SLCO5A1: variants seen among roughly 807,000 people sequenced by gnomAD.
SLCO5A1 encodes organic anion transporter polypeptide-related protein 4.
SLCO5A1 carries 39 observed loss-of-function variants against 65.1 expected under a neutral mutation model. The ratio of observed to expected loss-of-function variants is 0.60; its 90% confidence interval spans 0.46 to 0.78. The LOEUF is 0.78. Ranked by LOEUF, SLCO5A1 falls within the 30% of genes least tolerant of loss-of-function variation. SLCO5A1 has a pLI of 0.00. For missense variants in SLCO5A1, 1,029 were observed against 1,069.4 expected, an observed-to-expected ratio of 0.96 and a Z score of 0.53; for synonymous variants, 438 against 415.7, an observed-to-expected ratio of 1.05 and a Z score of -0.65.
Position 69,710,304 on chromosome 8 carries a change from C to A in SLCO5A1, c.1424-5075G>T, listed in dbSNP as rs1236432616. Among the ~76,000 whole-genome samples, 5 of 152,234 alleles carry A rather than the reference C, an allele frequency of 3.3e-5. No individual in the cohort carries two copies. The East Asian group carries it at 9.7e-4, about 29-fold the overall frequency. ...AAAGTGCTGGGATTACAGGAGTGAG[C>A]CACCGCGCCCGACCGGCAATGGCCC... On this transcript the variant is annotated intron_variant, in intron 5 of 9. Coordinates refer to ENST00000260126, the MANE Select transcript of SLCO5A1 (RefSeq NM_030958.3).
intron 2 of SLCO5A1, among the ~76,000 whole-genome samples, chr8:69,803,336 G>T (rs1284790474): frequency 6.6e-6 from 1 of 152,156 alleles, no homozygotes; most frequent in Non-Finnish European, 1.5e-5. Flanking sequence ...AGAATCACTT[G>T]AACCTGGGAG....
chr8:69,707,945 T>C (rs2130812986), intron 5 of SLCO5A1, among the ~76,000 whole-genome samples: 1 of 152,314 alleles, frequency 6.6e-6, no homozygotes, highest in East Asian at 1.9e-4. Flanking sequence ...CAGTTGTGTC[T>C]GTGGGCTGCA....
At chr8:69,754,372 A>G (rs1013694679) in intron 4 of SLCO5A1, among the ~76,000 whole-genome samples, 9 of 152,218 alleles carry the variant, frequency 5.9e-5, no homozygotes, top group African/African-American at 1.9e-4. Flanking sequence ...GGTCCAATCT[A>G]ACTATTATTG....
At position 69,783,694 on chromosome 8, in the gene SLCO5A1, A is replaced by T. The variant is rs1818900561; in HGVS notation, c.908-21819T>A. Reference sequence around the variant, plus strand: ...CACCCCATTCCCTAATCATTAATCAATCAGTAGTTATTTGGTGAAGTTATA... The same window carrying T: ...CACCCCATTCCCTAATCATTAATCATTCAGTAGTTATTTGGTGAAGTTATA... On this transcript the variant is annotated intron_variant, in intron 2 of 9. Transcript: ENST00000260126. Among the ~76,000 whole-genome samples, 5 of 152,150 alleles carry T rather than the reference A, an allele frequency of 3.3e-5. No homozygotes were observed. The South Asian group carries it at 1.0e-3, about 32-fold the overall frequency.
intron 4 of SLCO5A1, among the ~76,000 whole-genome samples, chr8:69,740,022 T>C (rs1284973815): frequency 1.3e-5 from 2 of 152,234 alleles, no homozygotes; most frequent in African/African-American, 2.4e-5. Flanking sequence ...ACTGGTTATA[T>C]TGAACGGGTT....
chr8:69,827,961 A>T (rs1405946908), intron 2 of SLCO5A1, among the ~76,000 whole-genome samples: 1 of 152,158 alleles, frequency 6.6e-6, no homozygotes. Flanking sequence ...CTGCGGTTAC[A>T]GTTGGTTCTC....
rs185510712 is a variant in SLCO5A1 at position 69,691,380 on chromosome 8, A to C, written c.1623-9037T>G. On this transcript the variant is annotated intron_variant, in intron 6 of 9. Transcript: ENST00000260126. ...TAACATGAAATCTACCTTCTTAACA[A>C]AGTTTTAAGTGTACAATACAGTATT... 2.0e-5 allele frequency among the ~76,000 whole-genome samples: 3 copies of C among 152,298 alleles called. No individual in the cohort carries two copies. In the East Asian group the frequency reaches 5.8e-4, roughly 29 times the overall value.
chr8:69,798,972 T>C (rs903537898), intron 2 of SLCO5A1, among the ~76,000 whole-genome samples: 1 of 152,232 alleles, frequency 6.6e-6, no homozygotes, highest in Non-Finnish European at 1.5e-5. Flanking sequence ...TGTCTATATA[T>C]TGCAGGGCTC....
chr8:69,755,679 T>G (rs771493438), intron 3 of SLCO5A1, 38 bp from the exon 4 acceptor site: 1 of 1,550,250 alleles, frequency 6.5e-7, no homozygotes, highest in Admixed American at 2.0e-5. Flanking sequence ...TTTACGTCTT[T>G]TCTTTTGTGA....
At chr8:69,827,261 A>C (rs1820963944) in intron 2 of SLCO5A1, among the ~76,000 whole-genome samples, 1 of 152,078 alleles carries the variant, frequency 6.6e-6, no homozygotes, top group Non-Finnish European at 1.5e-5. Context: ...ACTAACCTGC[A>C]CATTGTGCAC....
chr8:69,831,691 G>A lies in SLCO5A1; in HGVS notation c.907+76C>T, dbSNP rs963019852. On this transcript the variant is annotated intron_variant, in intron 2 of 9. Coordinates refer to ENST00000260126, the MANE Select transcript of SLCO5A1 (RefSeq NM_030958.3). ...TATACATGAAAATGTGAAAGAACAT[G>A]TTTCCTTTTGATTTTTGTAAGGAAA... The A allele has an allele frequency of 2.3e-5, 32 of 1,415,510 alleles. No individual in the cohort carries two copies. In the African/African-American group the frequency reaches 3.9e-4, roughly 17 times the overall value. 87.7% of individuals were successfully genotyped at this position (1,415,510 alleles called of 1,614,324 possible).
At chr8:69,768,103 C>T (rs529938699) in intron 2 of SLCO5A1, among the ~76,000 whole-genome samples, 17 of 149,442 alleles carry the variant, frequency 1.1e-4, no homozygotes, top group Admixed American at 4.6e-4. Flanking sequence ...CATGGTGGCA[C>T]GCACCTGTAG....
chr8:69,824,523 C>G (rs1207700609), intron 2 of SLCO5A1, among the ~76,000 whole-genome samples: 1 of 152,196 alleles, frequency 6.6e-6, no homozygotes, highest in African/African-American at 2.4e-5. Context: ...ACTAGAAAAT[C>G]TAGAAGAAAT....
At chr8:69,823,006 T>C (rs1187753310) in intron 2 of SLCO5A1, among the ~76,000 whole-genome samples, 1 of 152,216 alleles carries the variant, frequency 6.6e-6, no homozygotes, top group African/African-American at 2.4e-5. Flanking sequence ...TTATTGATCC[T>C]GAATATCACC....
intron 9 of SLCO5A1, among the ~76,000 whole-genome samples, chr8:69,673,783 T>G (rs552803973): frequency 1.3e-5 from 2 of 152,340 alleles, no homozygotes; most frequent in African/African-American, 2.4e-5. Context: ...TGGGTTGGGC[T>G]TTAGTCCTTG....
intron 2 of SLCO5A1, chr8:69,794,484 G>T: frequency 2.4e-6 from 1 of 413,646 alleles, no homozygotes; most frequent in Admixed American, 2.9e-5. Context: ...ATTCCATCAT[G>T]GTTTGGTTCA....
chr8:69,767,113 A>C (rs2130869486), intron 2 of SLCO5A1, among the ~76,000 whole-genome samples: 1 of 152,338 alleles, frequency 6.6e-6, no homozygotes, highest in East Asian at 1.9e-4. Context: ...CTCTTGATGA[A>C]GAACTTGGAA....
At chr8:69,742,794 C>CTTTTTTTTTT (rs10633803) in intron 4 of SLCO5A1, among the ~76,000 whole-genome samples, 16 of 83,194 alleles carry the variant, frequency 1.9e-4, no homozygotes, top group East Asian at 4.0e-4. Context: ...TGAGTGGATT[C>CTTTTTTTTTT]TTTTTTTTTT....
At chr8:69,680,354 T>C (rs559070860) in intron 7 of SLCO5A1, among the ~76,000 whole-genome samples, 2 of 152,322 alleles carry the variant, frequency 1.3e-5, no homozygotes, top group South Asian at 4.1e-4. Context: ...ACCCAATGTT[T>C]AGCTCCCACT....
Sources: gnomAD v4.1 joint callset for allele counts (sites outside exome capture counted in the v4.1 genomes callset) on GRCh38, gnomAD v4.1.1 for gene constraint, MANE v1.5 for transcripts, NCBI Gene and HGNC (gene_info 2026-07-23, HGNC 2026-07-21) for gene names.